Variants in HIVEP3 observed in about 807,000 individuals in gnomAD.
The protein encoded by HIVEP3 is transcription factor HIVEP3.
In HIVEP3, 49 loss-of-function variants were observed where a neutral mutation model predicts 152.8. That is an observed-to-expected ratio of 0.32 (90% CI 0.26 to 0.41). The LOEUF (loss-of-function observed/expected upper bound fraction) is 0.41. Ranked by LOEUF, HIVEP3 falls within the 10% of genes least tolerant of loss-of-function variation. The probability of loss-of-function intolerance (pLI) is 1.00; values close to 1 mark genes in which losing one functional copy is unlikely to be tolerated. For synonymous variants in HIVEP3, 1,269 were observed against 1,289.0 expected, an observed-to-expected ratio of 0.98 and a Z score of 0.33; for missense variants, 2,790 against 3,103.3, an observed-to-expected ratio of 0.90 and a Z score of 2.40.
chr1:41,584,812 C>T lies in HIVEP3; in HGVS notation c.-15G>A. On this transcript the variant is annotated 5_prime_UTR_variant, in exon 4 of 9. Coordinates refer to ENST00000372583, the MANE Select transcript of HIVEP3 (RefSeq NM_024503.5). This position sits in a 1 kb window ranked among gnomAD's most constrained non-coding sequence, Gnocchi z 5.2. Reference sequence around the variant, plus strand: ...TCAGGATCCATGACCTTCACAAAGACTTCAGATGCTATTCAGGGAGAGTCA... The same window carrying T: ...TCAGGATCCATGACCTTCACAAAGATTTCAGATGCTATTCAGGGAGAGTCA... 1 of 1,495,962 alleles carries T rather than the reference C, an allele frequency of 6.7e-7. No individual in the cohort carries two copies. Among genetic ancestry groups the T allele is most frequent in the Non-Finnish European group, 8.9e-7 (1 of 1,122,712 alleles). 92.7% of individuals were successfully genotyped at this position (1,495,962 alleles called of 1,614,324 possible).
intron 2 of HIVEP3, among the ~76,000 whole-genome samples, chr1:41,674,640 T>C (rs1645926956): frequency 6.6e-6 from 1 of 152,164 alleles, no homozygotes; most frequent in East Asian, 1.9e-4. Context: ...TATTCACAGG[T>C]GTCCTTTGTC....
chr1:41,649,176 G>A (rs542509441), intron 2 of HIVEP3, among the ~76,000 whole-genome samples: 8 of 152,280 alleles, frequency 5.3e-5, no homozygotes, highest in Non-Finnish European at 8.8e-5. Context: ...CTTTGTGGCC[G>A]GAGCCTCCCA....
At chr1:41,893,231 C>T (rs1196456789) in intron 1 of HIVEP3, among the ~76,000 whole-genome samples, 2 of 152,036 alleles carry the variant, frequency 1.3e-5, no homozygotes, top group Non-Finnish European at 2.9e-5. Context: ...ACATACCAGC[C>T]ACCATGATCC....
In HIVEP3 at chr1:41,513,087, A is replaced by G. The variant is rs1438150782; in HGVS notation, c.6134T>C (p.Leu2045Pro). 6.2e-7 allele frequency: 1 copy of G among 1,613,928 alleles called. No homozygotes were observed. The highest frequency in any genetic ancestry group is 8.5e-7 in the Non-Finnish European group (1 of 1,180,034). The change falls in exon 8 of 9, where the codon CTG becomes CCG. Residue 2045 changes from leucine to proline, a missense_variant. By Grantham distance (98) the Leu-to-Pro change is moderately conservative. Transcript: ENST00000372583. ...GGAGAGCACATGTGCTCGAGGGGCC[A>G]GTTCTCTTCCCAGGGGGCAGAGGGT... ...PLTLCPLGRE[L>P]APRAHVLSKL... is the part of the protein sequence containing the mutation.
At chr1:41,908,408 C>A (rs1042039504) in intron 1 of HIVEP3, among the ~76,000 whole-genome samples, 1 of 152,120 alleles carries the variant, frequency 6.6e-6, no homozygotes, top group Non-Finnish European at 1.5e-5. Context: ...GCACCCCTAC[C>A]CAACCCACTA....
chr1:41,620,618 C>T lies in HIVEP3; in HGVS notation c.-522+8131G>A, dbSNP rs187032547. 2.2e-3 allele frequency among the ~76,000 whole-genome samples: 333 copies of T among 152,298 alleles called. 1 individual carries two copies. Among genetic ancestry groups the T allele is most frequent in the South Asian group, 4.8e-3 (23 of 4,822 alleles). On this transcript the variant is annotated intron_variant, in intron 3 of 8. Transcript: ENST00000372583. ...CCACAGCTGCACACATCACCTGCCC[C>T]ACCCAGCACGCCCCAATCCTGCATT... is the stretch of plus-strand genomic sequence containing the variant.
rs572060753 is a variant in HIVEP3 at position 41,822,940 on chromosome 1, G to A, written c.-801+95473C>T. 1.7e-4 allele frequency among the ~76,000 whole-genome samples: 26 copies of A among 152,262 alleles called. No individual in the cohort carries two copies. The South Asian group carries it at 5.0e-3, about 29-fold the overall frequency. ...CAATTCCACCCTTCATGACGCTATGGACTGAATTGTCTGCCCCACAAATTC... is the reference window on the plus strand; with the variant it reads ...CAATTCCACCCTTCATGACGCTATGAACTGAATTGTCTGCCCCACAAATTC... On this transcript the variant is annotated intron_variant, in intron 1 of 8. Transcript: ENST00000372583.
intron 1 of HIVEP3, among the ~76,000 whole-genome samples, chr1:41,815,687 A>G (rs1651215486): frequency 6.6e-6 from 1 of 151,940 alleles, no homozygotes. Context: ...GCATGTGGAG[A>G]ACCAGGCATG....
chr1:41,724,209 CAT>C (rs1436359755), intron 1 of HIVEP3, among the ~76,000 whole-genome samples: 1 of 152,194 alleles, frequency 6.6e-6, no homozygotes. Context: ...AATGAGCAAA[CAT>C]AAACTCTAGG....
chr1:41,768,422 A>G (rs11578234), intron 1 of HIVEP3, among the ~76,000 whole-genome samples: 74,625 of 152,188 alleles, frequency 0.49, 20,454 homozygotes, highest in Non-Finnish European at 0.63. Context: ...AATTGTGGGA[A>G]TTATAATTCA....
intron 1 of HIVEP3, among the ~76,000 whole-genome samples, chr1:42,033,901 C>A (rs1447383570): frequency 1.3e-5 from 2 of 152,162 alleles, no homozygotes; most frequent in African/African-American, 4.8e-5. Context: ...AACTATGTGA[C>A]CTGAGTCAAG....
At chr1:41,953,575 T>C (rs1352335915) in intron 1 of HIVEP3, among the ~76,000 whole-genome samples, 1 of 152,218 alleles carries the variant, frequency 6.6e-6, no homozygotes, top group African/African-American at 2.4e-5. Flanking sequence ...GATTTCTTAC[T>C]TGAATTTGTA....
chr1:41,817,150 C>A (rs1642430512), intron 1 of HIVEP3, among the ~76,000 whole-genome samples: 1 of 152,194 alleles, frequency 6.6e-6, no homozygotes, highest in South Asian at 2.1e-4. Context: ...TATTGAGGAG[C>A]CCGCTGCTGG....
intron 1 of HIVEP3, among the ~76,000 whole-genome samples, chr1:41,809,384 T>A (rs868131667): frequency 1.1e-4 from 16 of 152,336 alleles, no homozygotes; most frequent in South Asian, 2.1e-4. Flanking sequence ...CTTCATGCCA[T>A]CACTTGCCAC....
intron 1 of HIVEP3, among the ~76,000 whole-genome samples, chr1:41,977,109 C>T (rs1570861691): frequency 6.6e-6 from 1 of 152,086 alleles, no homozygotes. Flanking sequence ...TGGACATGAG[C>T]TGAGTGGTGG....
chr1:41,847,943 G>A (rs1296528842), intron 1 of HIVEP3: 1 of 152,372 alleles, frequency 6.6e-6, no homozygotes, highest in African/African-American at 2.4e-5. Context: ...TTGCAGAAGT[G>A]GATCCCGTTA....
At chr1:41,940,896 G>A (rs1386535939) in intron 1 of HIVEP3, among the ~76,000 whole-genome samples, 1 of 151,392 alleles carries the variant, frequency 6.6e-6, no homozygotes, top group South Asian at 2.1e-4. Context: ...GGGAGCGGGG[G>A]AGAGAGAGAG....
At chr1:41,833,520 AG>A (rs1478200692) in intron 1 of HIVEP3, among the ~76,000 whole-genome samples, 1 of 152,230 alleles carries the variant, frequency 6.6e-6, no homozygotes, top group African/African-American at 2.4e-5. Flanking sequence ...CAAAGCACAA[AG>A]GCACGAATGG....
intron 1 of HIVEP3, among the ~76,000 whole-genome samples, chr1:42,001,743 C>T (rs1241750272): frequency 1.3e-5 from 2 of 152,152 alleles, no homozygotes; most frequent in Non-Finnish European, 2.9e-5. Context: ...ATGGTATACA[C>T]CTGTACAGAC....
Sources: allele counts gnomAD v4.1 joint callset (sites outside exome capture counted in the v4.1 genomes callset), GRCh38; gene constraint gnomAD v4.1.1; non-coding constraint Gnocchi (gnomAD v3.1); transcripts MANE v1.5; gene names NCBI Gene and HGNC (gene_info 2026-07-23, HGNC 2026-07-21).